SEMA6D: variants seen among roughly 807,000 people sequenced by gnomAD.
The protein encoded by SEMA6D is semaphorin-6D.
A neutral mutation model predicts 106.6 loss-of-function variants in SEMA6D; 35 were observed. The observed-to-expected ratio is 0.33, with a 90% CI of 0.25 to 0.44. The LOEUF is 0.44. SEMA6D is among the 20% of genes least tolerant of loss of function. The probability of loss-of-function intolerance (pLI) is 1.00; values close to 1 mark genes in which losing one functional copy is unlikely to be tolerated. For missense variants in SEMA6D, 1,185 were observed against 1,345.9 expected (o/e 0.88, Z 1.87); for synonymous variants, 499 against 487.7 (o/e 1.02, Z -0.31).
chr15:47,759,206 G>A (rs2081932373), intron 1 of SEMA6D, among the ~76,000 whole-genome samples: 1 of 152,052 alleles, frequency 6.6e-6, no homozygotes, highest in African/African-American at 2.4e-5. Context: ...GGAAATACTC[G>A]ACTTAAGAAT....
chr15:47,324,452 T>G (rs1046141425), intron 1 of SEMA6D, among the ~76,000 whole-genome samples: 12 of 151,938 alleles, frequency 7.9e-5, no homozygotes, highest in African/African-American at 2.7e-4. Flanking sequence ...TAAAAAAGAC[T>G]TAGAATCAGA....
intron 3 of SEMA6D, among the ~76,000 whole-genome samples, chr15:47,483,088 T>C (rs2043198851): frequency 1.3e-5 from 2 of 152,138 alleles, no homozygotes; most frequent in Admixed American, 6.5e-5. Context: ...CAGTAAAAGT[T>C]AGAAAATGTA....
chr15:47,328,007 A>G (rs2037198994), intron 1 of SEMA6D, among the ~76,000 whole-genome samples: 1 of 152,172 alleles, frequency 6.6e-6, no homozygotes, highest in Non-Finnish European at 1.5e-5. Context: ...TTGTTCATGG[A>G]TCTACTGCAA....
chr15:47,535,069 C>CAA (rs796493775), intron 3 of SEMA6D, among the ~76,000 whole-genome samples: 11 of 93,246 alleles, frequency 1.2e-4, no homozygotes, highest in African/African-American at 2.9e-4. Flanking sequence ...AAGAATGTGA[C>CAA]AAAAAAAAAA....
chr15:47,770,757 A>T lies in SEMA6D; in HGVS notation c.2194A>T (p.Ile732Phe). Reference protein sequence around the residue: ...DSPVKEYQQNIDSPKLYSNLL... With the variant: ...DSPVKEYQQNFDSPKLYSNLL... Reference sequence around the variant, plus strand: ...CCCTGTCAAGGAATACCAACAGAATATTGATTCTCCTAAACTGTATAGTAA... The same window carrying T: ...CCCTGTCAAGGAATACCAACAGAATTTTGATTCTCCTAAACTGTATAGTAA... Residue 732 changes from isoleucine (I) to phenylalanine (F), a missense_variant, in exon 19 of 19, where the codon ATT becomes TTT. Around this residue, in one of 3 missense-constraint regions of SEMA6D, gnomAD observed 750 missense variants for 783.5 expected, o/e 0.96. Transcript: ENST00000536845. The T allele has an allele frequency of 6.2e-7, 1 of 1,614,114 alleles. No homozygotes were observed. Among genetic ancestry groups the T allele is most frequent in the Non-Finnish European group, 8.5e-7 (1 of 1,179,998 alleles).
At chr15:47,259,569 G>A (rs11855520) in intron 1 of SEMA6D, among the ~76,000 whole-genome samples, 173 of 151,822 alleles carry the variant, frequency 1.1e-3, no homozygotes, top group Middle Eastern at 3.4e-3. Flanking sequence ...TCCCCCAATA[G>A]GTAGTGTGTC....
intron 1 of SEMA6D, among the ~76,000 whole-genome samples, chr15:47,226,638 T>A (rs1311148769): frequency 6.6e-6 from 1 of 152,154 alleles, no homozygotes; most frequent in Admixed American, 6.6e-5. Flanking sequence ...GTATAGACAC[T>A]GATTGGAAGG....
At chr15:47,230,584 A>G (rs1400157227) in intron 1 of SEMA6D, among the ~76,000 whole-genome samples, 1 of 151,948 alleles carries the variant, frequency 6.6e-6, no homozygotes, top group Non-Finnish European at 1.5e-5. Context: ...TTCTATAGAC[A>G]TTGGAGTCAC....
intron 1 of SEMA6D, among the ~76,000 whole-genome samples, chr15:47,751,981 C>G (rs943454921): frequency 2.1e-4 from 32 of 152,190 alleles, no homozygotes; most frequent in Non-Finnish European, 4.0e-4. Context: ...ATGACATATT[C>G]CAGGGCTGAA....
intron 1 of SEMA6D, among the ~76,000 whole-genome samples, chr15:47,753,060 G>C (rs1352993173): frequency 6.6e-6 from 1 of 152,046 alleles, no homozygotes; most frequent in Non-Finnish European, 1.5e-5. Context: ...CAATGGGAAA[G>C]GAGAAAACTG....
chr15:47,200,517 T>C (rs537601345), intron 1 of SEMA6D, among the ~76,000 whole-genome samples: 13 of 152,330 alleles, frequency 8.5e-5, no homozygotes, highest in African/African-American at 2.9e-4. Context: ...CTTTTAATTA[T>C]AATTCTTAGG....
rs2039445976 is a variant in SEMA6D at position 47,376,296 on chromosome 15, C to T, written c.-238-36097C>T. Among the ~76,000 whole-genome samples the T allele has an allele frequency of 3.3e-5, 5 of 152,314 alleles. No homozygotes were observed. The South Asian group carries it at 8.3e-4, about 25-fold the overall frequency. On this transcript the variant is annotated intron_variant, in intron 1 of 19. Transcript: ENST00000558014. ...TGTCTTTGGAGTACTGCTTTAACTT[C>T]CTTTCTTCATCTCAACCTGCATTTG...
chr15:47,313,252 ATCT>A (rs2036516128), intron 1 of SEMA6D, among the ~76,000 whole-genome samples: 1 of 152,128 alleles, frequency 6.6e-6, no homozygotes, highest in Non-Finnish European at 1.5e-5. Flanking sequence ...TGCCCTAAAA[ATCT>A]TCTGTGCTTT....
chr15:47,675,423 G>A (rs555939103), intron 4 of SEMA6D, among the ~76,000 whole-genome samples: 4 of 152,138 alleles, frequency 2.6e-5, no homozygotes, highest in Non-Finnish European at 4.4e-5. Flanking sequence ...GGCACACACC[G>A]AGGAAAGGCC....
At chr15:47,502,243 C>T (rs1476223771) in intron 3 of SEMA6D, among the ~76,000 whole-genome samples, 2 of 152,142 alleles carry the variant, frequency 1.3e-5, no homozygotes, top group African/African-American at 2.4e-5. Context: ...CAAATTAGAT[C>T]GTCGCACTGC....
intron 3 of SEMA6D, among the ~76,000 whole-genome samples, chr15:47,504,187 C>G (rs564063791): frequency 2.2e-4 from 34 of 152,274 alleles, no homozygotes; most frequent in Admixed American, 5.2e-4. Context: ...TAGGGGCTTC[C>G]CCTCCATTTT....
intron 4 of SEMA6D, among the ~76,000 whole-genome samples, chr15:47,668,618 T>G (rs559268095): frequency 1.3e-5 from 2 of 152,296 alleles, no homozygotes; most frequent in African/African-American, 4.8e-5. Context: ...CTTTGAAGAT[T>G]GGAAAGGAAG....
intron 3 of SEMA6D, among the ~76,000 whole-genome samples, chr15:47,506,102 C>T (rs565919579): frequency 6.6e-6 from 1 of 152,178 alleles, no homozygotes; most frequent in Admixed American, 6.5e-5. Context: ...GTATCTCACC[C>T]CTCTTCTCAT....
Position 47,684,491 on chromosome 15 carries a change from A to G in SEMA6D, c.-54-75254A>G, listed in dbSNP as rs551917623. On this transcript the variant is annotated intron_variant, in intron 4 of 19. Transcript: ENST00000558014. ...GAACTATACTCATTTTACAATTCAT[A>G]TTAAAGCACAGAGACATGATATAGA... Among the ~76,000 whole-genome samples the G allele has an allele frequency of 7.2e-5, 11 of 152,266 alleles. No individual in the cohort carries two copies. In the South Asian group the frequency reaches 2.1e-3, roughly 29 times the overall value.
Sources: gnomAD v4.1 joint callset for allele counts (sites outside exome capture counted in the v4.1 genomes callset) on GRCh38, gnomAD v4.1.1 for gene constraint, gnomAD v4.1.1 regional missense constraint, MANE v1.5 for transcripts, NCBI Gene and HGNC (gene_info 2026-07-23, HGNC 2026-07-21) for gene names.